The following MACF1 variants were observed in gnomAD, a reference collection of about 807,000 sequenced individuals.
MACF1 encodes microtubule actin crosslinking factor 1.
In MACF1, 193 loss-of-function variants were observed where a neutral mutation model predicts 854.8. The ratio of observed to expected loss-of-function variants is 0.23; its 90% confidence interval spans 0.20 to 0.25. MACF1 has a LOEUF of 0.25. Ranked by LOEUF, MACF1 falls within the 10% of genes least tolerant of loss-of-function variation. MACF1 has a pLI of 1.00. For missense variants in MACF1, 7,722 were observed against 8,929.1 expected (o/e 0.86, Z 5.45); for synonymous variants, 3,185 against 3,226.7 (o/e 0.99, Z 0.44).
At chr1:39,404,608 A>G (rs1376306489) in intron 58 of MACF1, among the ~76,000 whole-genome samples, 3 of 152,124 alleles carry the variant, frequency 2.0e-5, no homozygotes, top group African/African-American at 4.8e-5. Context: ...TCTCAGCTCA[A>G]CCTCCCAAGT....
Position 39,334,334 on chromosome 1 carries a change from A to C in MACF1, c.7746A>C (p.Gly2582=), listed in dbSNP as rs1646776051. ...TCCAGGAGGTTCAGGCCTTTACTGG[A>C]AACTTTGTGGATCTCATTTCTGGTC... is the stretch of plus-strand genomic sequence containing the variant. ...REIQEVQAFT[G]NFVDLISGQR... Residue 2582 remains glycine (G), a synonymous_variant, in exon 37 of 101, where the codon GGA becomes GGC. Coordinates refer to ENST00000564288, the MANE Select transcript of MACF1 (RefSeq NM_001394062.1). The C allele has an allele frequency of 6.2e-7, 1 of 1,614,056 alleles. No homozygotes were observed. The highest frequency in any genetic ancestry group is 8.5e-7 in the Non-Finnish European group (1 of 1,180,020).
Position 39,484,748 on chromosome 1 carries a change from G to T in MACF1, c.22411+18G>T, listed in dbSNP as rs151103862. 5 of 1,614,120 alleles carry T rather than the reference G, an allele frequency of 3.1e-6. No individual in the cohort carries two copies. In the East Asian group the frequency reaches 1.1e-4, roughly 36 times the overall value. The stretch of plus-strand genomic sequence containing the variant: ...TCGGGCAGGTAAGTACCTGCCCCGT[G>T]ACCTACAAGCCAGGCTGAGAATTTG... On this transcript the variant is annotated intron_variant, in intron 100 of 100. Transcript: ENST00000564288.
At position 39,357,518 on chromosome 1, in the gene MACF1, A is replaced by G. The variant is rs763062673; in HGVS notation, c.11568A>G (p.Glu3856=). The change falls in exon 45 of 101, where the codon GAA becomes GAG. Residue 3856 remains glutamate, a synonymous_variant. Transcript: ENST00000564288. The part of the protein sequence containing the change: ...MLQQKLGELK[E]QYSTSLAQSE... ...AACAGAAGCTGGGAGAGCTAAAGGA[A>G]CAATACTCTACTTCCCTGGCCCAAT... is the stretch of plus-strand genomic sequence containing the variant. 1.2e-5 allele frequency: 20 copies of G among 1,614,072 alleles called. No homozygotes were observed. The highest frequency in any genetic ancestry group is 2.2e-5 in the East Asian group (1 of 44,902).
At chr1:39,090,644 C>T (rs1641779658) in intron 2 of MACF1, among the ~76,000 whole-genome samples, 1 of 152,238 alleles carries the variant, frequency 6.6e-6, no homozygotes, top group Non-Finnish European at 1.5e-5. Context: ...GGCAGTTTGG[C>T]TCATGCCTTT....
intron 91 of MACF1, chr1:39,459,775 G>A (rs1025986353): frequency 1.0e-5 from 13 of 1,275,048 alleles, no homozygotes; most frequent in Non-Finnish European, 1.0e-5. Context: ...TCTAAAACAA[G>A]CCTCTAATAT....
intron 2 of MACF1, chr1:39,103,086 G>A: frequency 1.6e-6 from 1 of 635,752 alleles, no homozygotes; most frequent in Admixed American, 2.2e-5. Flanking sequence ...TTGAGTCTTA[G>A]AGAAGCTCTC....
chr1:39,168,291 A>C (rs1299179565), intron 2 of MACF1, among the ~76,000 whole-genome samples: 2 of 152,196 alleles, frequency 1.3e-5, no homozygotes, highest in Non-Finnish European at 2.9e-5. Flanking sequence ...CTGCCTGTTT[A>C]AAATATTCTC....
In MACF1 at chr1:39,412,523, G is replaced by A. The variant is rs200761968; in HGVS notation, c.15817-9851G>A. 3.5e-5 allele frequency: 56 copies of A among 1,613,970 alleles called. No individual in the cohort carries two copies. In the African/African-American group the frequency reaches 7.2e-4, roughly 21 times the overall value. On this transcript the variant is annotated intron_variant, in intron 58 of 100. Coordinates refer to ENST00000564288, the MANE Select transcript of MACF1 (RefSeq NM_001394062.1). Reference sequence around the variant, plus strand: ...GAGCAGGTCTTCCAGGATCTCCAGAGGAAGTCCCCAGAGTCAGAGATTCTG... The same window carrying A: ...GAGCAGGTCTTCCAGGATCTCCAGAAGAAGTCCCCAGAGTCAGAGATTCTG...
chr1:39,282,238 G>C lies in MACF1; in HGVS notation c.559G>C (p.Gly187Arg), dbSNP rs1341326190. 11 of 1,613,836 alleles carry C rather than the reference G, an allele frequency of 6.8e-6. No individual in the cohort carries two copies. Among genetic ancestry groups the C allele is most frequent in the Non-Finnish European group, 9.3e-6 (11 of 1,179,934 alleles). ...ISDIYISGES[G>R]DMSAKEKLLL... is the part of the protein sequence containing the mutation. ...TGACATCTACATTAGTGGAGAATCA[G>C]GGGATATGTCAGCCAAGGAGAAACT... Residue 187 changes from glycine to arginine, a missense_variant, in exon 7 of 101, where the codon GGG becomes CGG. Physicochemically the swap from Gly to Arg is moderately radical, Grantham distance 125. Around this residue, in one of 15 missense-constraint regions of MACF1, gnomAD observed 108 missense variants for 196.4 expected, o/e 0.55. Transcript: ENST00000564288.
chr1:39,420,591 G>A (rs1643495983), intron 58 of MACF1, among the ~76,000 whole-genome samples: 1 of 152,048 alleles, frequency 6.6e-6, no homozygotes, highest in Non-Finnish European at 1.5e-5. Flanking sequence ...TGTTCCCTGG[G>A]GCTTTCCCTC....
chr1:39,327,044 A>C (rs1177724880), intron 35 of MACF1, among the ~76,000 whole-genome samples, 174 bp from the exon 36 acceptor site: 1 of 152,188 alleles, frequency 6.6e-6, no homozygotes. Context: ...ATCATCAAGA[A>C]CCATGACTTG....
chr1:39,260,179 C>T (rs984950461), intron 6 of MACF1, among the ~76,000 whole-genome samples: 3 of 152,086 alleles, frequency 2.0e-5, no homozygotes, highest in Admixed American at 6.5e-5. Context: ...ACTCTGAGTC[C>T]TTTGGCATGA....
intron 2 of MACF1, among the ~76,000 whole-genome samples, chr1:39,160,087 G>A (rs1179229709): frequency 6.6e-6 from 1 of 152,124 alleles, no homozygotes; most frequent in Non-Finnish European, 1.5e-5. Context: ...GGCTGAGATG[G>A]GAGGATCGCT....
At chr1:39,319,989 C>A (rs967596218) in intron 31 of MACF1, among the ~76,000 whole-genome samples, 2 of 152,176 alleles carry the variant, frequency 1.3e-5, no homozygotes, top group African/African-American at 4.8e-5. Context: ...GCCCTTTAAA[C>A]TTAACATGGC....
At chr1:39,172,375 A>G (rs1307115910) in intron 2 of MACF1, among the ~76,000 whole-genome samples, 8 of 152,204 alleles carry the variant, frequency 5.3e-5, no homozygotes, top group African/African-American at 1.9e-4. Flanking sequence ...TTGAGAGCCT[A>G]CTATATGCCA....
intron 98 of MACF1, 113 bp downstream of exon 98, chr1:39,480,122 C>G: frequency 8.0e-5 from 49 of 614,158 alleles, no homozygotes; most frequent in Non-Finnish European, 1.2e-4. Context: ...AAAATGAAAA[C>G]ATGTTTTCTA....
chr1:39,284,407 G>A lies in MACF1; in HGVS notation c.1110G>A (p.Glu370=), dbSNP rs752521358. The change falls in exon 11 of 101, where the codon GAG becomes GAA. Residue 370 remains glutamate (E), a synonymous_variant. Transcript: ENST00000564288. ...AGGAGAGAGAAAAAGGAAGAATTGA[G>A]GAATTATATAAATTACTAGAGGTAA... ...LAKEREKGRI[E]ELYKLLEVWI... 1.2e-6 allele frequency: 2 copies of A among 1,602,230 alleles called. No individual in the cohort carries two copies. The highest frequency in any genetic ancestry group is 2.2e-5 in the East Asian group (1 of 44,838).
intron 55 of MACF1, 42 bp downstream of exon 55, chr1:39,380,415 GT>G: frequency 6.3e-7 from 1 of 1,582,022 alleles, no homozygotes. Flanking sequence ...TAAGTTACTT[GT>G]CTTCAAAGCA....
At chr1:39,359,400 A>C in intron 47 of MACF1, 136 bp downstream of exon 47, 1 of 1,014,164 alleles carries the variant, frequency 9.9e-7, no homozygotes, top group Non-Finnish European at 1.4e-6. Flanking sequence ...GAATAGACAT[A>C]GATTGTCATC....
Sources: gnomAD v4.1 joint callset for allele counts (sites outside exome capture counted in the v4.1 genomes callset) on GRCh38, gnomAD v4.1.1 for gene constraint, gnomAD v4.1.1 regional missense constraint, MANE v1.5 for transcripts, NCBI Gene and HGNC (gene_info 2026-07-23, HGNC 2026-07-21) for gene names.